The following LRRC9 variants were observed in gnomAD, a reference collection of about 807,000 sequenced individuals.
LRRC9 encodes the protein leucine-rich repeat-containing protein 9.
LRRC9 carries 122 observed loss-of-function variants against 63.2 expected under a neutral mutation model. The ratio of observed to expected loss-of-function variants is 1.93; its 90% CI spans 1.67 to 2.24. The LOEUF is 2.24. Ranked by LOEUF, LRRC9 falls within the 30% of genes most tolerant of loss-of-function variation. The pLI is 0.00. For synonymous variants in LRRC9, 366 were observed against 213.1 expected (o/e 1.72, Z -6.25); for missense variants, 1,071 against 627.7 (o/e 1.71, Z -7.55).
chr14:59,944,739 A>G (rs1469232734), exon 8 of LRRC9: 3 of 666,096 alleles, frequency 4.5e-6, no homozygotes, highest in Admixed American at 2.5e-5. Flanking sequence ...CTTTGTGAAG[A>G]AAACTGTAAG....
Position 60,053,044 on chromosome 14 carries a change from GT to G in LRRC9, c.3991-19del, listed in dbSNP as rs1287402034. 1.5e-6 allele frequency: 1 copy of G among 687,346 alleles called. No homozygotes were observed. Among genetic ancestry groups the G allele is most frequent in the South Asian group, 1.5e-5 (1 of 64,768 alleles). The allele number at this position is 687,346 out of a possible 1,614,324, so 42.6% of individuals were successfully genotyped here. A position where few individuals can be genotyped will look rare whatever the true frequency, so the allele number is the denominator to read the frequency against. On this transcript the variant is annotated intron_variant, in intron 29 of 31. Transcript: ENST00000445360. This position sits in a 1 kb window ranked among gnomAD's most constrained non-coding sequence, Gnocchi z 4.8. ...AATAAAAGTTTTGTAGGAATAAATT[GT>G]TATTTTTAACTTTATTCAGATTTGT...
rs1012070027 is a variant in LRRC9 at position 60,027,881 on chromosome 14, T to C, written c.3704-3T>C. On this transcript the variant is annotated splice_polypyrimidine_tract_variant and splice_region_variant and intron_variant, in intron 27 of 31. Transcript: ENST00000445360. The surrounding 1 kb of genome is among the most constrained non-coding windows in gnomAD (Gnocchi z 4.0). ...TGATATATCATGACTTATCTCTTTT[T>C]AGGTAATGAAATCAGCCAAGTTGAA... 4 of 697,344 alleles carry C rather than the reference T, an allele frequency of 5.7e-6. No homozygotes were observed. Among genetic ancestry groups the C allele is most frequent in the South Asian group, 1.5e-5 (1 of 66,592 alleles). The allele number at this position is 697,344 out of a possible 1,614,324, so 43.2% of individuals were successfully genotyped here. A position where few individuals can be genotyped will look rare whatever the true frequency, so the allele number is the denominator to read the frequency against.
Position 59,964,865 on chromosome 14 carries a change from G to C in LRRC9, c.1212-1724G>C, listed in dbSNP as rs1015661518. Reference sequence around the variant, plus strand: ...CTCTGGGATTAGTTTGGTTTAGGCAGCTCTCCTTTCAACTCTAAGGGAGAA... The same window carrying C: ...CTCTGGGATTAGTTTGGTTTAGGCACCTCTCCTTTCAACTCTAAGGGAGAA... On this transcript the variant is annotated intron_variant, in intron 10 of 31. Transcript: ENST00000445360. The surrounding 1 kb of genome is among the most constrained non-coding windows in gnomAD (Gnocchi z 4.4). Among the ~76,000 whole-genome samples the C allele has an allele frequency of 6.6e-6, 1 of 152,168 alleles. No individual in the cohort carries two copies. The highest frequency in any genetic ancestry group is 2.4e-5 in the African/African-American group (1 of 41,444).
In LRRC9 at chr14:59,966,705, G is replaced by A. The variant is rs1458867317; in HGVS notation, c.1328G>A (p.Arg443Lys). The A allele has an allele frequency of 2.9e-6, 2 of 691,348 alleles. No individual in the cohort carries two copies. The highest frequency in any genetic ancestry group is 5.3e-6 in the Non-Finnish European group (2 of 379,462). 42.8% of individuals were successfully genotyped at this position (691,348 alleles called of 1,614,324 possible). ...ATTAAAGTTAACAACCGTATTCTGA[G>A]ACTAAAATTCGAAGAGAAATTTCAA... Residue 443 changes from arginine (R) to lysine (K), a missense_variant, in exon 11 of 32, where the codon AGA becomes AAA. Arg to Lys is a conservative substitution (Grantham distance 26, BLOSUM62 2). Transcript: ENST00000445360. This position sits in a 1 kb window ranked among gnomAD's most constrained non-coding sequence, Gnocchi z 4.0.
chr14:60,008,475 T>G (rs1889995275), intron 23 of LRRC9, among the ~76,000 whole-genome samples: 1 of 152,130 alleles, frequency 6.6e-6, no homozygotes, highest in Non-Finnish European at 1.5e-5. Context: ...GCCTAAAAGG[T>G]AAAGAACACA....
chr14:60,045,259 A>T (rs796111097), intron 29 of LRRC9, among the ~76,000 whole-genome samples: 29 of 149,956 alleles, frequency 1.9e-4, no homozygotes, highest in Middle Eastern at 3.4e-3. Context: ...TTTCTTTTTT[A>T]AAAAAAAATT....
chr14:60,053,836 GA>G lies in LRRC9; in HGVS notation c.4131+632del. The G allele has an allele frequency of 2.3e-6, 1 of 430,296 alleles. No homozygotes were observed. The allele number at this position is 430,296 out of a possible 1,614,324, so 26.7% of individuals were successfully genotyped here. ...AGTTTCTTCATGACCATCTTCTAAA[GA>G]CTAAATTTAACACAGAAAATCTATG... On this transcript the variant is annotated intron_variant, in intron 30 of 31. Transcript: ENST00000445360. The surrounding 1 kb of genome is among the most constrained non-coding windows in gnomAD (Gnocchi z 4.8).
intron 29 of LRRC9, among the ~76,000 whole-genome samples, chr14:60,049,695 A>G (rs1039394792): frequency 2.6e-5 from 4 of 151,616 alleles, no homozygotes; most frequent in Non-Finnish European, 4.4e-5. Context: ...TTTTTCTTTC[A>G]TTTTGACCTT....
intron 21 of LRRC9, among the ~76,000 whole-genome samples, chr14:60,005,970 A>G (rs569626105): frequency 6.6e-6 from 1 of 152,256 alleles, no homozygotes; most frequent in East Asian, 1.9e-4. Context: ...TCATTTTAAT[A>G]CAAACGATGC....
chr14:60,037,656 CT>C (rs771072089), intron 29 of LRRC9, among the ~76,000 whole-genome samples: 121 of 152,112 alleles, frequency 8.0e-4, no homozygotes, highest in Non-Finnish European at 1.5e-3. Context: ...TTTGTAGATT[CT>C]GGATATTAGC....
chr14:60,009,787 A>G (rs983165767), intron 23 of LRRC9, among the ~76,000 whole-genome samples: 3 of 152,228 alleles, frequency 2.0e-5, no homozygotes, highest in Non-Finnish European at 4.4e-5. Flanking sequence ...GGCATTGGGT[A>G]AATACACCCA....
At chr14:60,007,770 C>A (rs1437370919) in intron 22 of LRRC9, among the ~76,000 whole-genome samples, 2 of 151,448 alleles carry the variant, frequency 1.3e-5, no homozygotes, top group African/African-American at 2.4e-5. Context: ...AAAGGGTAAC[C>A]CTTGCACTTA....
At position 60,028,336 on chromosome 14, in the gene LRRC9, A is replaced by C. The variant is rs796703914; in HGVS notation, c.3921+235A>C. Among the ~76,000 whole-genome samples, 16 of 152,236 alleles carry C rather than the reference A, an allele frequency of 1.1e-4. 1 individual carries two copies. Among genetic ancestry groups the C allele is most frequent in the African/African-American group, 3.6e-4 (15 of 41,566 alleles). On this transcript the variant is annotated intron_variant, in intron 28 of 31. Transcript: ENST00000445360. ...AAGCTCATTAACAAAGATTAGTTCT[A>C]CGTGTTCTAAGGCTCTTCTCATCAG...
intron 17 of LRRC9, 51 bp downstream of exon 17, chr14:59,985,275 G>A: frequency 3.5e-6 from 2 of 573,356 alleles, no homozygotes; most frequent in East Asian, 2.8e-5. Flanking sequence ...AGAAGCAGAA[G>A]TAGAATGGTG....
chr14:60,009,624 A>G (rs1890096416), intron 23 of LRRC9, among the ~76,000 whole-genome samples: 2 of 152,136 alleles, frequency 1.3e-5, no homozygotes, highest in South Asian at 4.1e-4. Context: ...TTCAAAACCA[A>G]TCATGCCTTC....
rs887504323 is a variant in LRRC9, at chr14:60,031,731, A to G, written c.3922-264A>G. Among the ~76,000 whole-genome samples, 18 of 152,036 alleles carry G rather than the reference A, an allele frequency of 1.2e-4. No homozygotes were observed. The highest frequency in any genetic ancestry group is 2.9e-5 in the Non-Finnish European group (2 of 67,960). ...GAATAAATCATAATTCTGAGAAAAAAATTTGATCTTTTCTTGCAAGTGCTG... is the reference window on the plus strand; with the variant it reads ...GAATAAATCATAATTCTGAGAAAAAGATTTGATCTTTTCTTGCAAGTGCTG... On this transcript the variant is annotated intron_variant, in intron 28 of 31. Transcript: ENST00000445360. This position sits in a 1 kb window ranked among gnomAD's most constrained non-coding sequence, Gnocchi z 4.6.
intron 6 of LRRC9, among the ~76,000 whole-genome samples, chr14:59,933,046 C>T (rs1231593069): frequency 1.3e-5 from 2 of 152,188 alleles, no homozygotes; most frequent in Non-Finnish European, 2.9e-5. Context: ...GGTCTGAATA[C>T]ACCTAGCACA....
Position 59,922,465 on chromosome 14 carries a change from C to G in LRRC9, c.-34+2582C>G, listed in dbSNP as rs182571690. Among the ~76,000 whole-genome samples the G allele has an allele frequency of 6.6e-6, 1 of 152,016 alleles. No individual in the cohort carries two copies. The highest frequency in any genetic ancestry group is 6.6e-5 in the Admixed American group (1 of 15,266). ...GAGAGACTTTTTAAGATAGGAAAGA[C>G]TTAATATTTATATACAGAAATAAAG... On this transcript the variant is annotated intron_variant, in intron 1 of 31. Coordinates refer to ENST00000445360, the Ensembl canonical transcript of LRRC9. The surrounding 1 kb of genome is among the most constrained non-coding windows in gnomAD (Gnocchi z 5.3).
At chr14:59,937,493 G>A (rs1388301286) in intron 6 of LRRC9, among the ~76,000 whole-genome samples, 1 of 152,090 alleles carries the variant, frequency 6.6e-6, no homozygotes, top group Admixed American at 6.6e-5. Context: ...CAGGGAATAT[G>A]ACACTGGGTT....
Sources: gnomAD v4.1 joint callset for allele counts (sites outside exome capture counted in the v4.1 genomes callset) on GRCh38, gnomAD v4.1.1 for gene constraint, Gnocchi (gnomAD v3.1) non-coding constraint, MANE v1.5 for transcripts, NCBI Gene and HGNC (gene_info 2026-07-23, HGNC 2026-07-21) for gene names.